The following MSN variants were observed in gnomAD, a reference collection of about 807,000 sequenced individuals.
The protein encoded by MSN is epididymis luminal protein 70.
A neutral mutation model predicts 48.0 loss-of-function variants in MSN; 2 were observed. The ratio of observed to expected loss-of-function variants is 0.04; its 90% CI spans 0.02 to 0.13. The LOEUF is 0.13. MSN is among the 10% of genes least tolerant of loss of function. The pLI is 1.00. For missense variants in MSN, 267 were observed against 470.1 expected (o/e 0.57, Z 3.99); for synonymous variants, 146 against 166.9 (o/e 0.87, Z 0.97).
chrX:65,612,623 C>T lies in MSN; in HGVS notation c.-22+24011C>T, dbSNP rs375585495. On this transcript the variant is annotated intron_variant, in intron 1 of 3. Coordinates refer to the MSN transcript ENST00000609672. ...TCACCCAAGCTGGAGTGCAGTGTTGCGATCTTAGCTCACTGCCACCTCCTC... is the reference window on the plus strand; with the variant it reads ...TCACCCAAGCTGGAGTGCAGTGTTGTGATCTTAGCTCACTGCCACCTCCTC... 7.1e-4 allele frequency among the ~76,000 whole-genome samples: 77 copies of T among 108,575 alleles called. No homozygotes were observed. The South Asian group carries it at 0.015, about 21-fold the overall frequency. The allele number at this position is 108,575 out of a possible 115,157, so 94.3% of individuals were successfully genotyped here. A position where few individuals can be genotyped will look rare whatever the true frequency, so the allele number is the denominator to read the frequency against.
At chrX:65,646,471 T>C (rs2070695570) in intron 1 of MSN, among the ~76,000 whole-genome samples, 1 of 112,075 alleles carries the variant, frequency 8.9e-6, no homozygotes, top group African/African-American at 3.2e-5. Flanking sequence ...CATTATTTTT[T>C]GCCTGAGCTG....
intron 8 of MSN, among the ~76,000 whole-genome samples, chrX:65,736,351 A>T (rs1436311918): frequency 9.2e-6 from 1 of 109,012 alleles, no homozygotes; most frequent in African/African-American, 3.3e-5. Flanking sequence ...GAGGTAAGGG[A>T]GGGTGGCCCA....
At chrX:65,623,368 CTT>C (rs773663630) in intron 1 of MSN, among the ~76,000 whole-genome samples, 10,557 of 74,034 alleles carry the variant, frequency 0.14, 1,952 homozygotes, top group African/African-American at 0.47. Context: ...TCTTTCTTTT[CTT>C]TTTTTTTTTT....
chrX:65,645,870 T>C (rs2070691492), intron 1 of MSN, among the ~76,000 whole-genome samples: 1 of 111,858 alleles, frequency 8.9e-6, no homozygotes, highest in South Asian at 3.7e-4. Flanking sequence ...CTATCTGTTC[T>C]GTAATACCTC....
chrX:65,659,068 T>C (rs1253372722), intron 1 of MSN, among the ~76,000 whole-genome samples: 1 of 110,724 alleles, frequency 9.0e-6, no homozygotes. Flanking sequence ...GGTCTTGGAC[T>C]CCTGACCTCA....
intron 1 of MSN, among the ~76,000 whole-genome samples, chrX:65,632,012 T>C (rs867169570): frequency 2.7e-5 from 3 of 112,078 alleles, no homozygotes; most frequent in African/African-American, 9.7e-5. Flanking sequence ...AAAACAGTTA[T>C]GAGCATTCCT....
chrX:65,625,187 C>G (rs957883724), intron 1 of MSN: 4 of 112,424 alleles, frequency 3.6e-5, no homozygotes, highest in African/African-American at 1.3e-4. Context: ...TGTTTTATGA[C>G]CTAACATATG....
At chrX:65,683,077 A>G (rs758747694) in intron 1 of MSN, among the ~76,000 whole-genome samples, 5 of 112,960 alleles carry the variant, frequency 4.4e-5, no homozygotes, top group Admixed American at 2.8e-4. Flanking sequence ...ACAGGCAGCC[A>G]TGCAAACATT....
intron 1 of MSN, among the ~76,000 whole-genome samples, chrX:65,591,500 T>G (rs1387555624): frequency 1.8e-5 from 2 of 111,944 alleles, no homozygotes; most frequent in African/African-American, 6.5e-5. Context: ...TAAGGCCCAG[T>G]AGGACCCTGT....
chrX:65,597,259 G>A (rs1406727804), intron 1 of MSN, among the ~76,000 whole-genome samples: 1 of 107,064 alleles, frequency 9.3e-6, no homozygotes, highest in African/African-American at 3.4e-5. Flanking sequence ...ATGTTGCCCA[G>A]CCTGGTCTCA....
chrX:65,680,260 G>A (rs963100808), intron 1 of MSN, among the ~76,000 whole-genome samples: 3 of 111,754 alleles, frequency 2.7e-5, no homozygotes, highest in African/African-American at 6.5e-5. Flanking sequence ...TTTTAACATG[G>A]CAATAATTAT....
At chrX:65,657,075 G>A (rs1032475190) in intron 1 of MSN, among the ~76,000 whole-genome samples, 27 of 111,788 alleles carry the variant, frequency 2.4e-4, no homozygotes, top group African/African-American at 7.8e-4. Flanking sequence ...GGCCAGAGTC[G>A]GGGAGGGCTG....
chrX:65,630,521 G>T (rs1000720789), intron 1 of MSN, among the ~76,000 whole-genome samples: 1 of 111,559 alleles, frequency 9.0e-6, no homozygotes, highest in Non-Finnish European at 1.9e-5. Flanking sequence ...CCCAGGGGCT[G>T]GAGGATGCAA....
At chrX:65,708,484 G>C (rs1461599044) in intron 1 of MSN, among the ~76,000 whole-genome samples, 1 of 110,024 alleles carries the variant, frequency 9.1e-6, no homozygotes, top group Non-Finnish European at 1.9e-5. Context: ...GTAGAGATGG[G>C]GTTTTGCCAT....
rs57076717 is a variant in MSN at position 65,670,896 on chromosome X, TTATA to T, written c.12+3099_12+3102del. Reference sequence around the variant, plus strand: ...CTACATTTTTTGGTGATGATGACAGTTATATATATATATATATATATATATATAT... The same window carrying T: ...CTACATTTTTTGGTGATGATGACAGTTATATATATATATATATATATATAT... On this transcript the variant is annotated intron_variant, in intron 1 of 12. Transcript: ENST00000360270. 2.1e-3 allele frequency among the ~76,000 whole-genome samples: 30 copies of T among 14,031 alleles called. 1 individual carries two copies. Among genetic ancestry groups the T allele is most frequent in the Non-Finnish European group, 2.9e-3 (25 of 8,564 alleles). 12.2% of individuals were successfully genotyped at this position (14,031 alleles called of 115,157 possible).
chrX:65,595,056 G>T (rs933873500), intron 1 of MSN, among the ~76,000 whole-genome samples: 4 of 111,483 alleles, frequency 3.6e-5, no homozygotes, highest in Admixed American at 9.5e-5. Flanking sequence ...AGACAGTAGG[G>T]CCTTCCCTGA....
intron 1 of MSN, among the ~76,000 whole-genome samples, chrX:65,691,420 A>G (rs2071171216): frequency 8.9e-6 from 1 of 112,314 alleles, no homozygotes; most frequent in Non-Finnish European, 1.9e-5. Context: ...TCTTGGATCC[A>G]GAAATCCACC....
intron 1 of MSN, among the ~76,000 whole-genome samples, chrX:65,640,330 G>A (rs1392143033): frequency 9.0e-6 from 1 of 111,468 alleles, no homozygotes; most frequent in Non-Finnish European, 1.9e-5. Context: ...CATGAGGTCA[G>A]GAGTTTGAGA....
chrX:65,617,950 T>G (rs1186848798), intron 1 of MSN, among the ~76,000 whole-genome samples: 5 of 108,859 alleles, frequency 4.6e-5, no homozygotes, highest in African/African-American at 1.7e-4. Flanking sequence ...ATTTCTGCCT[T>G]CATTTCGTTA....
Sources: allele counts gnomAD v4.1 joint callset (sites outside exome capture counted in the v4.1 genomes callset), GRCh38; gene constraint gnomAD v4.1.1; transcripts MANE v1.5; gene names NCBI Gene and HGNC (gene_info 2026-07-23, HGNC 2026-07-21).